SORBS2: variants seen among roughly 807,000 people sequenced by gnomAD.
SORBS2 encodes sorbin and SH3 domain containing 2, also known as sorbin and SH3 domain-containing protein 2.
A neutral mutation model predicts 97.7 loss-of-function variants in SORBS2; 46 were observed. The ratio of observed to expected loss-of-function variants is 0.47; its 90% CI spans 0.37 to 0.60. The LOEUF (loss-of-function observed/expected upper bound fraction) is 0.60. Among genes scored for constraint, SORBS2 ranks in the 20% least tolerant of loss-of-function variants. The pLI is 0.00. For missense variants in SORBS2, 1,316 were observed against 1,282.3 expected (o/e 1.03, Z -0.40); for synonymous variants, 476 against 473.4 (o/e 1.01, Z -0.07).
chr4:185,705,440 G>C (rs2098329368), intron 2 of SORBS2, among the ~76,000 whole-genome samples: 1 of 152,004 alleles, frequency 6.6e-6, no homozygotes, highest in African/African-American at 2.4e-5. Context: ...CAGCTACTTG[G>C]GAGGCTGAGG....
intron 12 of SORBS2, among the ~76,000 whole-genome samples, chr4:185,596,066 A>G (rs995976380): frequency 6.6e-6 from 1 of 152,238 alleles, no homozygotes; most frequent in Non-Finnish European, 1.5e-5. Flanking sequence ...GTTATGAATA[A>G]GAAAATATTA....
intron 2 of SORBS2, among the ~76,000 whole-genome samples, chr4:185,708,663 G>A (rs2098382136): frequency 6.6e-6 from 1 of 152,146 alleles, no homozygotes; most frequent in Non-Finnish European, 1.5e-5. Flanking sequence ...CGCCCTCCGT[G>A]ATGCCTGCCT....
intron 4 of SORBS2, among the ~76,000 whole-genome samples, chr4:185,640,678 C>A (rs2097111564): frequency 6.6e-6 from 1 of 152,048 alleles, no homozygotes; most frequent in Non-Finnish European, 1.5e-5. Context: ...ATTTTAATGT[C>A]CATAAAATAC....
At chr4:185,911,726 C>T (rs551703059) in intron 1 of SORBS2, among the ~76,000 whole-genome samples, 6 of 152,288 alleles carry the variant, frequency 3.9e-5, no homozygotes, top group Admixed American at 1.3e-4. Flanking sequence ...GTTATAGTTT[C>T]AGTGGCACAA....
At chr4:185,587,984 C>A in intron 14 of SORBS2, 1 of 292,284 alleles carries the variant, frequency 3.4e-6, no homozygotes, top group South Asian at 4.6e-5. Context: ...AGGAGGGGGG[C>A]GGAGGAGCTC....
intron 3 of SORBS2, among the ~76,000 whole-genome samples, chr4:185,648,479 T>A (rs1457765888): frequency 6.8e-6 from 1 of 147,078 alleles, no homozygotes; most frequent in Non-Finnish European, 1.5e-5. Context: ...AGAGTGAGAC[T>A]CCATTTAAAA....
chr4:185,807,434 G>T (rs1398998662), intron 1 of SORBS2, among the ~76,000 whole-genome samples: 1 of 152,192 alleles, frequency 6.6e-6, no homozygotes, highest in Non-Finnish European at 1.5e-5. Context: ...ATAGGGAAGA[G>T]GAAACCACTG....
intron 2 of SORBS2, among the ~76,000 whole-genome samples, chr4:185,714,870 G>A (rs982229356): frequency 2.6e-5 from 4 of 152,156 alleles, no homozygotes; most frequent in Non-Finnish European, 5.9e-5. Context: ...GTGAGATTTG[G>A]GTGGGGCCAC....
rs1418368813 is a variant in SORBS2, at chr4:185,941,392, T to A, written c.-338+14804A>T. On this transcript the variant is annotated intron_variant, in intron 1 of 20. Coordinates refer to the SORBS2 transcript ENST00000284776. Reference sequence around the variant, plus strand: ...GAGGTTACATTTTTTTCCTATATTATCTGTCTTTTCCCACTAATATACTAT... The same window carrying A: ...GAGGTTACATTTTTTTCCTATATTAACTGTCTTTTCCCACTAATATACTAT... 2.0e-5 allele frequency among the ~76,000 whole-genome samples: 3 copies of A among 152,278 alleles called. No homozygotes were observed. In the East Asian group the frequency reaches 5.8e-4, roughly 29 times the overall value.
chr4:185,588,857 C>T (rs1156627378), intron 14 of SORBS2, among the ~76,000 whole-genome samples: 1 of 152,108 alleles, frequency 6.6e-6, no homozygotes, highest in Non-Finnish European at 1.5e-5. Context: ...TCAGGTAATC[C>T]ACCCGCCTCG....
At chr4:185,688,786 T>C (rs1422358611) in intron 2 of SORBS2, among the ~76,000 whole-genome samples, 1 of 119,666 alleles carries the variant, frequency 8.4e-6, no homozygotes, top group Non-Finnish European at 2.1e-5. Flanking sequence ...TGGTATGTTT[T>C]TATAAAAACA....
intron 12 of SORBS2, among the ~76,000 whole-genome samples, chr4:185,608,827 A>G (rs1348194773): frequency 6.6e-6 from 1 of 152,182 alleles, no homozygotes; most frequent in African/African-American, 2.4e-5. Flanking sequence ...ATCTCCAAAA[A>G]GATTCTGGAG....
intron 2 of SORBS2, among the ~76,000 whole-genome samples, chr4:185,708,227 T>C (rs2098375137): frequency 6.6e-6 from 1 of 152,244 alleles, no homozygotes; most frequent in Non-Finnish European, 1.5e-5. Context: ...CTCATCAATG[T>C]ATGGAATTGT....
At chr4:185,944,439 AC>A (rs2099273572) in intron 1 of SORBS2, among the ~76,000 whole-genome samples, 1 of 152,240 alleles carries the variant, frequency 6.6e-6, no homozygotes, top group South Asian at 2.1e-4. Flanking sequence ...GTCAGTTCTA[AC>A]AAATGAGACC....
At chr4:185,922,670 T>C (rs961650308) in intron 1 of SORBS2, among the ~76,000 whole-genome samples, 4 of 152,234 alleles carry the variant, frequency 2.6e-5, no homozygotes, top group African/African-American at 7.2e-5. Flanking sequence ...CGATTATCAT[T>C]TCCTTTCCAT....
chr4:185,646,610 T>C (rs1436888469), intron 4 of SORBS2, 58 bp downstream of exon 13: 4 of 1,036,684 alleles, frequency 3.9e-6, no homozygotes, highest in South Asian at 1.4e-5. Context: ...TTCAGGTTTA[T>C]TGGGGAGCCC....
At chr4:185,788,846 C>T (rs1317323887) in intron 1 of SORBS2, among the ~76,000 whole-genome samples, 8 of 152,192 alleles carry the variant, frequency 5.3e-5, no homozygotes, top group African/African-American at 1.4e-4. Flanking sequence ...ACTCTGTTTT[C>T]GTGTTACAGA....
intron 4 of SORBS2, among the ~76,000 whole-genome samples, chr4:185,641,204 G>T (rs1581610619): frequency 6.6e-6 from 1 of 151,996 alleles, no homozygotes; most frequent in Admixed American, 6.6e-5. Context: ...AGTTTTCCAT[G>T]AATTATGCTT....
intron 1 of SORBS2, among the ~76,000 whole-genome samples, chr4:185,893,466 T>TCATGGATG (rs1270784990): frequency 2.0e-5 from 3 of 152,130 alleles, no homozygotes; most frequent in African/African-American, 7.2e-5. Flanking sequence ...ACCCGGGCCC[T>TCATGGATG]TCAGCACCTC....
Sources: gnomAD v4.1 joint callset for allele counts (sites outside exome capture counted in the v4.1 genomes callset) on GRCh38, gnomAD v4.1.1 for gene constraint, MANE v1.5 for transcripts, NCBI Gene and HGNC (gene_info 2026-07-23, HGNC 2026-07-21) for gene names.